The following QTMAN variants were observed in gnomAD, a reference collection of about 807,000 sequenced individuals.
The protein encoded by QTMAN is tRNA-queuosine alpha-mannosyltransferase.
chr2:144,228,802 T>C, the QTMAN span, among the ~76,000 whole-genome samples: 1 of 152,058 alleles, frequency 6.6e-6, no homozygotes. Flanking sequence ...CTACTAAAAA[T>C]ACAAAATTAG....
chr2:144,214,646 AC>A, the QTMAN span, among the ~76,000 whole-genome samples: 1 of 152,026 alleles, frequency 6.6e-6, no homozygotes, highest in Non-Finnish European at 1.5e-5. Flanking sequence ...AATAATGTAT[AC>A]CCCCCTCAAT....
chr2:144,091,678 T>C, the QTMAN span, among the ~76,000 whole-genome samples: 1 of 152,172 alleles, frequency 6.6e-6, no homozygotes, highest in Non-Finnish European at 1.5e-5. Flanking sequence ...ATTCCACTCC[T>C]AGGTATTTAC....
At chr2:144,037,185 C>T in the QTMAN span, among the ~76,000 whole-genome samples, 400 of 152,170 alleles carry the variant, frequency 2.6e-3, 2 homozygotes, top group African/African-American at 8.9e-3. Context: ...TGTTTTAGAA[C>T]TAAATAGAAG....
chr2:144,046,802 T>A, the QTMAN span, among the ~76,000 whole-genome samples: 1 of 152,242 alleles, frequency 6.6e-6, no homozygotes, highest in Non-Finnish European at 1.5e-5. Flanking sequence ...TCCAGCATTA[T>A]TTTTTGTCAA....
the QTMAN span, among the ~76,000 whole-genome samples, chr2:144,252,193 C>T: frequency 6.6e-6 from 1 of 152,074 alleles, no homozygotes; most frequent in East Asian, 1.9e-4. Flanking sequence ...AAAGCAAGAC[C>T]CTGTCTCTAC....
chr2:144,091,743 A>G, the QTMAN span, among the ~76,000 whole-genome samples: 1 of 152,236 alleles, frequency 6.6e-6, no homozygotes, highest in Non-Finnish European at 1.5e-5. Context: ...AAATGTTCAC[A>G]GTAACTTAAT....
the QTMAN span, among the ~76,000 whole-genome samples, chr2:144,246,830 A>G: frequency 2.6e-5 from 4 of 152,076 alleles, no homozygotes; most frequent in Non-Finnish European, 4.4e-5. Context: ...ACATCCTTAT[A>G]CCCAGACATT....
chr2:144,149,930 C>T, the QTMAN span, among the ~76,000 whole-genome samples: 1 of 152,092 alleles, frequency 6.6e-6, no homozygotes, highest in Admixed American at 6.6e-5. Context: ...CATTAAGATG[C>T]ACACTTTTAT....
the QTMAN span, among the ~76,000 whole-genome samples, chr2:144,075,845 CAGAAATGA>C: frequency 6.6e-6 from 1 of 152,198 alleles, no homozygotes; most frequent in East Asian, 1.9e-4. Context: ...GAGACAGAAC[CAGAAATGA>C]AGTGCTACTG....
At chr2:144,300,210 G>A in the QTMAN span, among the ~76,000 whole-genome samples, 15 of 152,308 alleles carry the variant, frequency 9.8e-5, no homozygotes, top group African/African-American at 2.6e-4. Context: ...CAATGGGAAT[G>A]TACCTAATGC....
chr2:143,966,041 G>T, the QTMAN span, among the ~76,000 whole-genome samples: 1 of 151,048 alleles, frequency 6.6e-6, no homozygotes. Context: ...TATATTTACT[G>T]TTTTTTTTTC....
At chr2:144,240,947 C>T in the QTMAN span, among the ~76,000 whole-genome samples, 7 of 152,170 alleles carry the variant, frequency 4.6e-5, no homozygotes, top group African/African-American at 1.4e-4. Context: ...CCTGGCTGCA[C>T]GTTAGAATCC....
chr2:143,987,895 A>T, the QTMAN span, among the ~76,000 whole-genome samples: 6 of 152,172 alleles, frequency 3.9e-5, no homozygotes, highest in Non-Finnish European at 4.4e-5. Flanking sequence ...AACCCCAAAA[A>T]ACACAAAAAA....
chr2:143,970,711 T>A, the QTMAN span: 1 of 1,610,500 alleles, frequency 6.2e-7, no homozygotes, highest in Non-Finnish European at 8.5e-7. Context: ...GTCCTAAGTC[T>A]TTAAGATGCA....
the QTMAN span, among the ~76,000 whole-genome samples, chr2:144,275,622 T>G: frequency 1.3e-5 from 2 of 152,176 alleles, no homozygotes; most frequent in African/African-American, 4.8e-5. Context: ...TGCCCTCATC[T>G]ATGAAACAGC....
chr2:144,020,456 G>T, the QTMAN span, among the ~76,000 whole-genome samples: 1 of 152,238 alleles, frequency 6.6e-6, no homozygotes, highest in Non-Finnish European at 1.5e-5. Context: ...ACCAAGGAAA[G>T]AACCCAGGAT....
chr2:144,024,985 C>G, the QTMAN span, among the ~76,000 whole-genome samples: 2 of 152,166 alleles, frequency 1.3e-5, no homozygotes, highest in African/African-American at 4.8e-5. Context: ...CCCCATCACA[C>G]GAAATAACTC....
chr2:144,005,328 T>C, the QTMAN span, among the ~76,000 whole-genome samples: 75 of 152,266 alleles, frequency 4.9e-4, no homozygotes, highest in East Asian at 0.013. Flanking sequence ...CATAAATTTT[T>C]AGTGTGTGAT....
At chr2:144,262,736 G>C in the QTMAN span, among the ~76,000 whole-genome samples, 2 of 40,200 alleles carry the variant, frequency 5.0e-5, no homozygotes, top group African/African-American at 1.1e-4. Flanking sequence ...GGAGGGGATG[G>C]GAGGAGAGGG....
Sources: allele counts gnomAD v4.1 joint callset (sites outside exome capture counted in the v4.1 genomes callset), GRCh38; gene constraint gnomAD v4.1.1; transcripts MANE v1.5; gene names NCBI Gene and HGNC (gene_info 2026-07-23, HGNC 2026-07-21).